Variants in PTPRD observed in about 807,000 individuals in gnomAD.
PTPRD encodes the protein protein tyrosine phosphatase receptor type D, also known as receptor-type tyrosine-protein phosphatase delta.
PTPRD carries 34 observed loss-of-function variants against 214.5 expected under a neutral mutation model. The ratio of observed to expected loss-of-function variants is 0.16; its 90% CI spans 0.12 to 0.21. The LOEUF is 0.21. PTPRD is among the 10% of genes least tolerant of loss of function. The probability of loss-of-function intolerance (pLI) is 1.00; values close to 1 mark genes in which losing one functional copy is unlikely to be tolerated. For synonymous variants in PTPRD, 1,128 were observed against 845.7 expected, an observed-to-expected ratio of 1.33 and a Z score of -5.79; for missense variants, 2,545 against 2,398.7, an observed-to-expected ratio of 1.06 and a Z score of -1.27.
intron 2 of PTPRD, among the ~76,000 whole-genome samples, chr9:10,482,113 T>C (rs1038783719): frequency 6.6e-6 from 1 of 152,166 alleles, no homozygotes; most frequent in Non-Finnish European, 1.5e-5. Flanking sequence ...GGCTCACGCC[T>C]GTAATCCCAG....
At chr9:9,294,818 A>C (rs1200916647) in intron 9 of PTPRD, among the ~76,000 whole-genome samples, 1 of 151,662 alleles carries the variant, frequency 6.6e-6, no homozygotes, top group Non-Finnish European at 1.5e-5. Context: ...AATATACTCC[A>C]TGTGCACTAT....
At chr9:10,604,311 T>C (rs1476244572) in intron 2 of PTPRD, among the ~76,000 whole-genome samples, 2 of 151,876 alleles carry the variant, frequency 1.3e-5, no homozygotes, top group East Asian at 1.9e-4. Context: ...TATAATACCA[T>C]CAGAATATCT....
At chr9:8,792,068 C>A (rs377139814) in intron 11 of PTPRD, among the ~76,000 whole-genome samples, 2 of 152,098 alleles carry the variant, frequency 1.3e-5, no homozygotes, top group East Asian at 1.9e-4. Context: ...GGAAAAAAAG[C>A]TGAAATAGTT....
chr9:8,403,176 G>C (rs1041644584), intron 36 of PTPRD, among the ~76,000 whole-genome samples: 1 of 152,194 alleles, frequency 6.6e-6, no homozygotes, highest in Non-Finnish European at 1.5e-5. Context: ...GCAGGTAGGA[G>C]ATGTGGTCAG....
intron 11 of PTPRD, chr9:8,935,993 C>G (rs994624611): frequency 4.6e-5 from 7 of 152,240 alleles, no homozygotes; most frequent in Middle Eastern, 3.4e-3. Context: ...CTAGGGTGCT[C>G]TTGGCTACAT....
intron 2 of PTPRD, among the ~76,000 whole-genome samples, chr9:10,537,143 C>T (rs981052590): frequency 4.6e-5 from 7 of 152,020 alleles, no homozygotes; most frequent in African/African-American, 9.7e-5. Context: ...AGATGCATGG[C>T]GAGATCTATC....
intron 12 of PTPRD, among the ~76,000 whole-genome samples, chr9:8,721,374 G>A (rs1465964445): frequency 2.1e-5 from 3 of 143,116 alleles, no homozygotes; most frequent in Non-Finnish European, 4.6e-5. Context: ...AGGTTGCAGT[G>A]AGCCGAGATC....
chr9:9,007,781 A>T, intron 11 of PTPRD, among the ~76,000 whole-genome samples: 1 of 133,348 alleles, frequency 7.5e-6, no homozygotes, highest in East Asian at 2.2e-4. Context: ...GCTTAAGCAT[A>T]TCTTTCAGTT....
intron 8 of PTPRD, among the ~76,000 whole-genome samples, chr9:9,464,616 A>C (rs1202406151): frequency 2.0e-5 from 3 of 152,110 alleles, no homozygotes; most frequent in Non-Finnish European, 4.4e-5. Context: ...TGCTTGGTTT[A>C]GTTCTTAAGT....
At chr9:9,750,958 G>C (rs375823511) in intron 6 of PTPRD, among the ~76,000 whole-genome samples, 3 of 152,042 alleles carry the variant, frequency 2.0e-5, no homozygotes, top group Non-Finnish European at 4.4e-5. Context: ...AATCATTAAA[G>C]TGCATTAAAT....
intron 3 of PTPRD, among the ~76,000 whole-genome samples, chr9:10,155,027 T>C (rs1263868628): frequency 6.6e-6 from 1 of 152,126 alleles, no homozygotes; most frequent in African/African-American, 2.4e-5. Context: ...ATCTTTGAAT[T>C]GTTTTGGGAA....
chr9:8,557,640 G>A (rs926501622), intron 14 of PTPRD, among the ~76,000 whole-genome samples: 2 of 148,934 alleles, frequency 1.3e-5, no homozygotes, highest in African/African-American at 5.0e-5. Context: ...CTACTGGGGA[G>A]GCTGAGGCAG....
intron 12 of PTPRD, among the ~76,000 whole-genome samples, chr9:8,720,325 T>C (rs937921268): frequency 6.6e-6 from 1 of 152,208 alleles, no homozygotes; most frequent in Non-Finnish European, 1.5e-5. Flanking sequence ...AGAGTGAAAG[T>C]AGAAGCTTCC....
intron 3 of PTPRD, among the ~76,000 whole-genome samples, chr9:10,228,291 T>C (rs1014316024): frequency 6.6e-6 from 1 of 152,026 alleles, no homozygotes; most frequent in Non-Finnish European, 1.5e-5. Flanking sequence ...TTTGAATAGT[T>C]TGTTTTCACA....
At chr9:8,497,406 A>C in intron 25 of PTPRD, 138 bp from the exon 26 acceptor site, 1 of 613,766 alleles carries the variant, frequency 1.6e-6, no homozygotes, top group Non-Finnish European at 2.6e-6. Context: ...ATTCCAAAGA[A>C]TGTGTGATTT....
At chr9:8,851,970 G>C (rs892369658) in intron 11 of PTPRD, among the ~76,000 whole-genome samples, 1 of 151,864 alleles carries the variant, frequency 6.6e-6, no homozygotes, top group African/African-American at 2.4e-5. Context: ...GGTTAAATGA[G>C]AATTAACAAT....
intron 3 of PTPRD, among the ~76,000 whole-genome samples, chr9:10,195,073 C>T (rs113313865): frequency 4.7e-5 from 7 of 148,254 alleles, no homozygotes; most frequent in African/African-American, 1.5e-4. Flanking sequence ...GCTGGCACTA[C>T]AGGCACCCGT....
chr9:8,626,090 A>G (rs767617325), intron 14 of PTPRD, among the ~76,000 whole-genome samples: 16 of 151,842 alleles, frequency 1.1e-4, no homozygotes, highest in Non-Finnish European at 2.2e-4. Flanking sequence ...ATACCAATAA[A>G]TTATGCATGT....
chr9:9,529,544 A>G (rs759512458), intron 8 of PTPRD, among the ~76,000 whole-genome samples: 1 of 152,136 alleles, frequency 6.6e-6, no homozygotes, highest in Non-Finnish European at 1.5e-5. Flanking sequence ...ATCATTAGTC[A>G]TTGGAGAAAT....
Sources: allele counts gnomAD v4.1 joint callset (sites outside exome capture counted in the v4.1 genomes callset), GRCh38; gene constraint gnomAD v4.1.1; transcripts MANE v1.5; gene names NCBI Gene and HGNC (gene_info 2026-07-23, HGNC 2026-07-21).